FREM2: variants seen among roughly 807,000 people sequenced by gnomAD.
FREM2 encodes the protein FRAS1-related extracellular matrix protein 2.
A neutral mutation model predicts 219.9 loss-of-function variants in FREM2; 119 were observed. The observed-to-expected ratio is 0.54, with a 90% confidence interval of 0.47 to 0.63. The LOEUF (loss-of-function observed/expected upper bound fraction) is 0.63, where lower values mean the gene tolerates loss of function less well. Ranked by LOEUF, FREM2 falls within the 30% of genes least tolerant of loss-of-function variation. The probability of loss-of-function intolerance (pLI) is 0.00; values close to 1 mark genes in which losing one functional copy is unlikely to be tolerated. For synonymous variants in FREM2, 1,562 were observed against 1,522.8 expected (o/e 1.03, Z -0.60); for missense variants, 4,030 against 3,993.6 (o/e 1.01, Z -0.25).
In FREM2 at chr13:38,763,221, T is replaced by C. The variant is rs193285182; in HGVS notation, c.5264-1083T>C. Among the ~76,000 whole-genome samples, 7 of 152,334 alleles carry C rather than the reference T, an allele frequency of 4.6e-5. 1 individual carries two copies. The highest frequency in any genetic ancestry group is 4.6e-4 in the Admixed American group (7 of 15,306). On this transcript the variant is annotated intron_variant, in intron 2 of 23. Coordinates refer to ENST00000280481, the MANE Select transcript of FREM2 (RefSeq NM_207361.6). ...TCTCAGTTGTACAAGGTATTCTCTT[T>C]AATCTTTAGTACCTGTTAAGTTGAT...
chr13:38,877,032 C>T (rs934771377), intron 20 of FREM2, 85 bp from the exon 21 acceptor site: 54 of 1,413,934 alleles, frequency 3.8e-5, no homozygotes, highest in Middle Eastern at 1.8e-4. Flanking sequence ...CTACAGTGTA[C>T]GGTGAATGTA....
intron 2 of FREM2, among the ~76,000 whole-genome samples, chr13:38,732,393 A>T (rs1311704017): frequency 1.3e-5 from 2 of 152,190 alleles, no homozygotes; most frequent in African/African-American, 4.8e-5. Context: ...ATGGCTATGT[A>T]TTCATTACAT....
intron 6 of FREM2, among the ~76,000 whole-genome samples, chr13:38,795,001 A>C (rs1291068649): frequency 6.6e-6 from 1 of 152,166 alleles, no homozygotes; most frequent in Non-Finnish European, 1.5e-5. Context: ...AAGATCACAC[A>C]AATGTTAAGT....
At chr13:38,859,737 T>G (rs1877696543) in intron 14 of FREM2, 147 bp downstream of exon 14, 1 of 846,826 alleles carries the variant, frequency 1.2e-6, no homozygotes, top group East Asian at 2.7e-5. Context: ...TTTTACAAAA[T>G]TATGTATTAG....
At chr13:38,724,563 C>T (rs1234723983) in intron 2 of FREM2, among the ~76,000 whole-genome samples, 3 of 152,138 alleles carry the variant, frequency 2.0e-5, no homozygotes, top group Non-Finnish European at 4.4e-5. Context: ...CATTATCACT[C>T]ATTGATGTCA....
chr13:38,703,255 T>C (rs1431383504), intron 2 of FREM2, among the ~76,000 whole-genome samples: 1 of 151,696 alleles, frequency 6.6e-6, no homozygotes, highest in East Asian at 1.9e-4. Context: ...AAAAGAGAGG[T>C]CTGAGTACAA....
intron 2 of FREM2, among the ~76,000 whole-genome samples, chr13:38,756,111 G>A (rs1179861182): frequency 2.6e-5 from 4 of 152,182 alleles, no homozygotes; most frequent in Admixed American, 6.5e-5. Flanking sequence ...AATGTGTGGG[G>A]TAAACATTTT....
At chr13:38,751,896 G>GTGTGTT (rs1555265076) in intron 2 of FREM2, among the ~76,000 whole-genome samples, 18 of 100,202 alleles carry the variant, frequency 1.8e-4, no homozygotes, top group South Asian at 9.5e-4. Flanking sequence ...GTGTGTGTGT[G>GTGTGTT]TTTTCCTTTT....
Position 38,687,482 on chromosome 13 carries a change from A to G in FREM2, c.138A>G (p.Ala46=). The change falls in exon 1 of 24, where the codon GCA becomes GCG. Residue 46 remains alanine (A), a synonymous_variant. Transcript: ENST00000280481. ...LLLSLVSRVP[A]QPAAFGRALL... The stretch of plus-strand genomic sequence containing the variant: ...TGTCACTGGTAAGCCGCGTCCCGGC[A>G]CAGCCCGCTGCCTTCGGCAGGGCGT... 6.3e-7 allele frequency: 1 copy of G among 1,592,436 alleles called. No individual in the cohort carries two copies. Among genetic ancestry groups the G allele is most frequent in the African/African-American group, 1.3e-5 (1 of 74,844 alleles).
At chr13:38,851,490 G>T (rs1284569371) in intron 10 of FREM2, among the ~76,000 whole-genome samples, 196 bp from the exon 11 acceptor site, 1 of 152,194 alleles carries the variant, frequency 6.6e-6, no homozygotes, top group Non-Finnish European at 1.5e-5. Context: ...GGGCTGGTTA[G>T]ATCCCTGGAA....
chr13:38,716,933 G>A (rs77759353), intron 2 of FREM2, among the ~76,000 whole-genome samples: 18,429 of 152,190 alleles, frequency 0.12, 1,140 homozygotes, highest in South Asian at 0.2. Context: ...CCAATGCTGT[G>A]CATCCAGGTA....
chr13:38,860,935 A>G (rs890254648), intron 14 of FREM2, among the ~76,000 whole-genome samples: 1 of 152,152 alleles, frequency 6.6e-6, no homozygotes. Context: ...TTTTAAGGAG[A>G]CTTTAGTTTT....
Position 38,688,947 on chromosome 13 carries a change from C to A in FREM2, c.1603C>A (p.Arg535Ser). Residue 535 changes from arginine to serine, a missense_variant, in exon 1 of 24, where the codon CGC (arginine) becomes AGC (serine). Coordinates refer to ENST00000280481, the MANE Select transcript of FREM2 (RefSeq NM_207361.6). ...CTCGCTGAGCGACAACCTGGTGCTT[C>A]GCATGGTGGATGGAGGAGGCAGGCA... Reference protein sequence around the residue: ...DGSLSDNLVLRMVDGGGRHQV... With the variant: ...DGSLSDNLVLSMVDGGGRHQV... The A allele has an allele frequency of 6.2e-7, 1 of 1,613,148 alleles. No homozygotes were observed. Among genetic ancestry groups the A allele is most frequent in the Non-Finnish European group, 8.5e-7 (1 of 1,179,562 alleles).
chr13:38,708,740 A>G (rs1422369766), intron 2 of FREM2, among the ~76,000 whole-genome samples: 3 of 152,034 alleles, frequency 2.0e-5, no homozygotes, highest in Non-Finnish European at 2.9e-5. Context: ...TGTTGTCTCT[A>G]CTTTATAACT....
intron 6 of FREM2, among the ~76,000 whole-genome samples, chr13:38,832,828 T>C (rs1876563027): frequency 6.6e-6 from 1 of 152,106 alleles, no homozygotes. Context: ...ACAGATCGCT[T>C]GAGTCCAGGA....
At position 38,861,414 on chromosome 13, in the gene FREM2, T is replaced by C; in HGVS notation, c.7520-17T>C. 5.0e-6 allele frequency: 8 copies of C among 1,584,766 alleles called. No individual in the cohort carries two copies. Among genetic ancestry groups the C allele is most frequent in the East Asian group, 2.2e-5 (1 of 44,830 alleles). ...TTACCTTCTTTTCGCATAAATATGG[T>C]CTTTTTTTTTTTCAAGGTCTTTGTC... On this transcript the variant is annotated splice_polypyrimidine_tract_variant and intron_variant, in intron 14 of 23. Transcript: ENST00000280481.
intron 1 of FREM2, 110 bp downstream of exon 1, chr13:38,692,627 CAA>C: frequency 7.7e-7 from 1 of 1,295,172 alleles, no homozygotes; most frequent in Non-Finnish European, 1.1e-6. Context: ...GGAAAGGAAA[CAA>C]AGGGGATGGG....
chr13:38,690,274 ATGACT>A lies in FREM2; in HGVS notation c.2934_2938del (p.Leu979ValfsTer42), dbSNP rs1317182867. On this transcript the variant is annotated frameshift_variant, in exon 1 of 24. Transcript: ENST00000280481. LOFTEE classifies it high-confidence loss of function. ...ATTAAGGGGACCAATGAGGAAACTG[ATGACT>A]TGATGTTGACTTTCCTCTTGGAAGA... 6.2e-7 allele frequency: 1 copy of A among 1,614,080 alleles called. No individual in the cohort carries two copies. Among genetic ancestry groups the A allele is most frequent in the Non-Finnish European group, 8.5e-7 (1 of 1,180,018 alleles).
rs370338634 is a variant in FREM2 at position 38,861,444 on chromosome 13, C to T, written c.7533C>T (p.Pro2511=). The change falls in exon 15 of 24, where the codon CCC becomes CCT. Residue 2511 remains proline, a synonymous_variant. Transcript: ENST00000280481. ...TTTTTTTTCAAGGTCTTTGTCAGCC[C>T]CGTGTACCTGGGGTTGTTGGAGCAG... ...TISREEGLCQ[P]RVPGVVGAEP... is the part of the protein sequence containing the mutation. The T allele has an allele frequency of 1.2e-6, 2 of 1,613,588 alleles. No homozygotes were observed. The highest frequency in any genetic ancestry group is 2.2e-5 in the South Asian group (2 of 91,062).
Sources: gnomAD v4.1 joint callset for allele counts (sites outside exome capture counted in the v4.1 genomes callset) on GRCh38, gnomAD v4.1.1 for gene constraint, MANE v1.5 for transcripts, NCBI Gene and HGNC (gene_info 2026-07-23, HGNC 2026-07-21) for gene names.